FAM50A: variants seen among roughly 807,000 people sequenced by gnomAD.
FAM50A encodes family with sequence similarity 50 member A.
In FAM50A, 6 loss-of-function variants were observed where a neutral mutation model predicts 35.5. That is an observed-to-expected ratio of 0.17 (90% CI 0.09 to 0.33). FAM50A has a LOEUF of 0.33. Among genes scored for constraint, FAM50A ranks in the 10% least tolerant of loss-of-function variants. The pLI, the probability that FAM50A is intolerant of heterozygous loss-of-function variation, is 1.00. For synonymous variants in FAM50A, 120 were observed against 110.9 expected, an observed-to-expected ratio of 1.08 and a Z score of -0.52; for missense variants, 145 against 295.5, an observed-to-expected ratio of 0.49 and a Z score of 3.73.
At position 154,444,352 on chromosome X, in the gene FAM50A, A is replaced by C. The variant is rs2068772864; in HGVS notation, c.111+6A>C. Reference sequence around the variant, plus strand: ...TGAAGCAGCGCATCGCGGAGGTGCGAGCCGGGGAGCCTCGGAGCATGCGCG... The same window carrying C: ...TGAAGCAGCGCATCGCGGAGGTGCGCGCCGGGGAGCCTCGGAGCATGCGCG... On this transcript the variant is annotated splice_donor_region_variant and intron_variant, in intron 1 of 12. Coordinates refer to ENST00000393600, the MANE Select transcript of FAM50A (RefSeq NM_004699.4). 3.8e-6 allele frequency: 4 copies of C among 1,040,568 alleles called. No homozygotes were observed. The highest frequency in any genetic ancestry group is 5.1e-6 in the Non-Finnish European group (4 of 789,393). The allele number at this position is 1,040,568 out of a possible 1,213,427, so 85.8% of individuals were successfully genotyped here.
intron 7 of FAM50A, 56 bp downstream of exon 7, chrX:154,449,010 C>A (rs1356134825): frequency 1.4e-5 from 15 of 1,094,777 alleles, no homozygotes; most frequent in Non-Finnish European, 1.8e-5. Context: ...CCCTCAGGTT[C>A]CGTGGGAAGG....
intron 4 of FAM50A, among the ~76,000 whole-genome samples, chrX:154,447,039 C>T (rs2068785203): frequency 9.0e-6 from 1 of 111,467 alleles, no homozygotes; most frequent in Non-Finnish European, 1.9e-5. Flanking sequence ...GGGTGCTGTC[C>T]CTCTCCTGGT....
chrX:154,445,381 G>A, intron 1 of FAM50A: 1 of 423,285 alleles, frequency 2.4e-6, no homozygotes. Context: ...CCAAAGGTCA[G>A]TAGGGTCGGT....
Position 154,446,147 on chromosome X carries a change from A to G in FAM50A, c.296+236A>G, listed in dbSNP as rs782124643. 3.6e-5 allele frequency: 16 copies of G among 443,369 alleles called. No individual in the cohort carries two copies. In the South Asian group the frequency reaches 5.4e-4, roughly 15 times the overall value. 36.5% of individuals were successfully genotyped at this position (443,369 alleles called of 1,213,427 possible). A position where few individuals can be genotyped will look rare whatever the true frequency, so the allele number is the denominator to read the frequency against. ...TAAATGCAGTGGGCCCTTTCCCAGC[A>G]TCCGGTGCCTGAGCAGCCTGCGTTC... is the stretch of plus-strand genomic sequence containing the variant. On this transcript the variant is annotated intron_variant, in intron 3 of 12. Transcript: ENST00000393600.
chrX:154,447,368 C>T (rs1368478629), intron 4 of FAM50A, among the ~76,000 whole-genome samples: 1 of 111,509 alleles, frequency 9.0e-6, no homozygotes, highest in African/African-American at 3.3e-5. Flanking sequence ...GGGGATGGTG[C>T]TGTGTGGCTG....
At chrX:154,448,387 G>A (rs1557200055) in intron 4 of FAM50A, 97 bp from the exon 5 acceptor site, 2 of 724,680 alleles carry the variant, frequency 2.8e-6, no homozygotes, top group Non-Finnish European at 2.1e-6. Flanking sequence ...CTTCTAGATC[G>A]ACTGTTCTCA....
chrX:154,450,367 G>A (rs1557200408), intron 12 of FAM50A, 48 bp downstream of exon 12: 1 of 1,207,414 alleles, frequency 8.3e-7, no homozygotes, highest in South Asian at 1.8e-5. Context: ...ACGGCAGCCA[G>A]CCCCTGCTCA....
chrX:154,448,596 C>T, intron 5 of FAM50A, 36 bp downstream of exon 5: 1 of 1,190,602 alleles, frequency 8.4e-7, no homozygotes, highest in Admixed American at 2.2e-5. Context: ...GGCCTCGACT[C>T]CAGCCCTGGT....
At chrX:154,450,374 C>T in intron 12 of FAM50A, 50 bp from the exon 13 acceptor site, 1 of 1,209,674 alleles carries the variant, frequency 8.3e-7, no homozygotes, top group Non-Finnish European at 1.1e-6. Flanking sequence ...CCAGCCCCTG[C>T]TCACCCCTCG....
chrX:154,450,630 G>A lies in FAM50A; in HGVS notation c.*198G>A. On this transcript the variant is annotated 3_prime_UTR_variant, in exon 13 of 13. Coordinates refer to ENST00000393600, the MANE Select transcript of FAM50A (RefSeq NM_004699.4). ...ATAAAGAAGTGCACGTGTCAGAGCT[G>A]GAGCGCCTGCATTGTGAGAAACCAT... 1 of 446,328 alleles carries A rather than the reference G, an allele frequency of 2.2e-6. No individual in the cohort carries two copies. Among genetic ancestry groups the A allele is most frequent in the Admixed American group, 4.0e-5 (1 of 25,086 alleles). 36.8% of individuals were successfully genotyped at this position (446,328 alleles called of 1,213,427 possible). A position where few individuals can be genotyped will look rare whatever the true frequency, so the allele number is the denominator to read the frequency against.
chrX:154,449,639 G>A (rs1557200276), intron 8 of FAM50A, 42 bp from the exon 9 acceptor site: 14 of 1,156,369 alleles, frequency 1.2e-5, no homozygotes, highest in Non-Finnish European at 1.5e-5. Flanking sequence ...CTGGGCAGGG[G>A]TGCTGTCCTC....
chrX:154,450,364 C>G (rs2068800426), intron 12 of FAM50A, 45 bp downstream of exon 12: 6 of 1,203,701 alleles, frequency 5.0e-6, no homozygotes. Flanking sequence ...GGGACGGCAG[C>G]CAGCCCCTGC....
intron 8 of FAM50A, 135 bp downstream of exon 8, chrX:154,449,432 G>C: frequency 1.8e-6 from 1 of 555,544 alleles, no homozygotes; most frequent in South Asian, 2.7e-5. Flanking sequence ...CCAAAAGAGG[G>C]GGTCAGGCTC....
intron 8 of FAM50A, 73 bp from the exon 9 acceptor site, chrX:154,449,608 G>A: frequency 1.0e-6 from 1 of 955,275 alleles, no homozygotes; most frequent in African/African-American, 1.9e-5. Flanking sequence ...GGCTCTCCTG[G>A]GCTGGCTGTC....
chrX:154,448,894 T>C lies in FAM50A; in HGVS notation c.588T>C (p.Ser196=), dbSNP rs782752674. 8.3e-7 allele frequency: 1 copy of C among 1,210,251 alleles called. No homozygotes were observed. The highest frequency in any genetic ancestry group is 1.8e-5 in the South Asian group (1 of 56,919). The change falls in exon 7 of 13, where the codon AGT becomes AGC. Residue 196 remains serine (S), a splice_region_variant and synonymous_variant. Transcript: ENST00000393600. ...CCAAGAGGCAGCTCTGCCTTGTAGGTGAGGAGATCGAGATCACCTTCAGCT... is the reference window on the plus strand; with the variant it reads ...CCAAGAGGCAGCTCTGCCTTGTAGGCGAGGAGATCGAGATCACCTTCAGCT... ...EWEAKQEKIK[S]EEIEITFSYW... is the part of the protein sequence containing the mutation.
In FAM50A at chrX:154,444,349, G is replaced by A. The variant is rs1557199543; in HGVS notation, c.111+3G>A. The A allele has an allele frequency of 3.8e-6, 4 of 1,064,449 alleles. No homozygotes were observed. Among genetic ancestry groups the A allele is most frequent in the Non-Finnish European group, 1.2e-6 (1 of 807,077 alleles). The allele number at this position is 1,064,449 out of a possible 1,213,427, so 87.7% of individuals were successfully genotyped here. A position where few individuals can be genotyped will look rare whatever the true frequency, so the allele number is the denominator to read the frequency against. On this transcript the variant is annotated splice_donor_region_variant and intron_variant, in intron 1 of 12. Coordinates refer to ENST00000393600, the MANE Select transcript of FAM50A (RefSeq NM_004699.4). ...AGATGAAGCAGCGCATCGCGGAGGT[G>A]CGAGCCGGGGAGCCTCGGAGCATGC...
At position 154,445,635 on chromosome X, in the gene FAM50A, G is replaced by A. The variant is rs2068779447; in HGVS notation, c.114G>A (p.Glu38=). The change falls in exon 2 of 13, where the codon GAG becomes GAA. Residue 38 remains glutamate, a splice_region_variant and synonymous_variant. Coordinates refer to ENST00000393600, the MANE Select transcript of FAM50A (RefSeq NM_004699.4). ...ATGGTGGCTGTCACTCCCCGCAGGA[G>A]AACATCATGAAATCCAACATTGACA... ...MEQMKQRIAE[E]NIMKSNIDKK... is the part of the protein sequence containing the mutation. The A allele has an allele frequency of 8.3e-7, 1 of 1,203,437 alleles. No homozygotes were observed. The highest frequency in any genetic ancestry group is 2.2e-5 in the Admixed American group (1 of 45,895).
Position 154,445,674 on chromosome X carries a change from G to A in FAM50A, c.153G>A (p.Ala51=), listed in dbSNP as rs782340502. ...CCAACATTGACAAGAAGTTCTCTGC[G>A]CACTACGACGCGGTGGAGGCAGAGC... ...MKSNIDKKFS[A]HYDAVEAELK... is the part of the protein sequence containing the mutation. The change falls in exon 2 of 13, where the codon GCG becomes GCA. Residue 51 remains alanine (A), a synonymous_variant. Coordinates refer to ENST00000393600, the MANE Select transcript of FAM50A (RefSeq NM_004699.4). 7.4e-6 allele frequency: 9 copies of A among 1,209,533 alleles called. No homozygotes were observed. The highest frequency in any genetic ancestry group is 1.0e-5 in the Non-Finnish European group (9 of 894,417).
chrX:154,445,940 T>C (rs782659661), intron 3 of FAM50A, 29 bp downstream of exon 3: 3 of 1,110,284 alleles, frequency 2.7e-6, no homozygotes, highest in East Asian at 6.1e-5. Flanking sequence ...GCCCTCAACA[T>C]GGAGCTAGTG....
Sources: gnomAD v4.1 joint callset for allele counts (sites outside exome capture counted in the v4.1 genomes callset) on GRCh38, gnomAD v4.1.1 for gene constraint, MANE v1.5 for transcripts, NCBI Gene and HGNC (gene_info 2026-07-23, HGNC 2026-07-21) for gene names.